Variants in RRN3 observed in about 807,000 individuals in gnomAD.
The protein encoded by RRN3 is RNA polymerase I transcription factor RRN3, also known as RNA polymerase I-specific transcription initiation factor RRN3.
RRN3 carries 38 observed loss-of-function variants against 82.3 expected under a neutral mutation model. That is an observed-to-expected ratio of 0.46 (90% CI 0.36 to 0.61). The LOEUF is 0.61. Among genes scored for constraint, RRN3 ranks in the 20% least tolerant of loss-of-function variants. The pLI is 0.00. For missense variants in RRN3, 726 were observed against 793.1 expected (o/e 0.92, Z 1.02); for synonymous variants, 284 against 284.3 (o/e 1.00, Z 0.01).
At chr16:15,091,955 G>C (rs1387902580) in intron 2 of RRN3, among the ~76,000 whole-genome samples, 4 of 152,270 alleles carry the variant, frequency 2.6e-5, no homozygotes, top group Non-Finnish European at 1.5e-5. Context: ...AAGGCGGGTG[G>C]ATCACAAGGT....
intron 7 of RRN3, chr16:15,083,845 C>G: frequency 2.8e-6 from 1 of 353,386 alleles, no homozygotes; most frequent in South Asian, 2.7e-5. Context: ...ACCTCCCAAA[C>G]AGCTGGGATT....
At chr16:15,086,570 C>G (rs2045924292) in intron 3 of RRN3, 116 bp from the exon 4 acceptor site, 1 of 1,472,238 alleles carries the variant, frequency 6.8e-7, no homozygotes, top group Non-Finnish European at 9.2e-7. Flanking sequence ...AGGTCACAAA[C>G]TTGGAAGGAA....
chr16:15,079,866 G>A (rs2045623598), intron 9 of RRN3, 132 bp downstream of exon 9: 1 of 1,051,276 alleles, frequency 9.5e-7, no homozygotes, highest in Non-Finnish European at 1.3e-6. Flanking sequence ...CAAAGTGCTG[G>A]GAATACAGGC....
chr16:15,082,680 G>T lies in RRN3; in HGVS notation c.666+833C>A, dbSNP rs532621722. Among the ~76,000 whole-genome samples, 17 of 141,318 alleles carry T rather than the reference G, an allele frequency of 1.2e-4. 1 individual carries two copies. The highest frequency in any genetic ancestry group is 7.6e-3 in the Middle Eastern group (2 of 264). 92.7% of individuals were successfully genotyped at this position (141,318 alleles called of 152,430 possible). A position where few individuals can be genotyped will look rare whatever the true frequency, so the allele number is the denominator to read the frequency against. On this transcript the variant is annotated intron_variant, in intron 8 of 17. Transcript: ENST00000198767. Reference sequence around the variant, plus strand: ...AGACGGAGACTGTCCCCCCACCCCTGAAAAAAAAAAAATCAATCTTGCATT... The same window carrying T: ...AGACGGAGACTGTCCCCCCACCCCTTAAAAAAAAAAAATCAATCTTGCATT...
At chr16:15,066,022 G>A (rs920428882) in intron 15 of RRN3, among the ~76,000 whole-genome samples, 1 of 152,206 alleles carries the variant, frequency 6.6e-6, no homozygotes, top group Non-Finnish European at 1.5e-5. Context: ...TGAGCAACTT[G>A]AAAAATTATC....
chr16:15,091,744 T>C (rs556129713), intron 2 of RRN3, among the ~76,000 whole-genome samples: 2 of 152,332 alleles, frequency 1.3e-5, no homozygotes, highest in African/African-American at 2.4e-5. Flanking sequence ...ATATTACATA[T>C]AAACATATGG....
intron 9 of RRN3, among the ~76,000 whole-genome samples, chr16:15,077,293 G>A (rs1249696691): frequency 2.0e-5 from 3 of 152,094 alleles, no homozygotes; most frequent in Non-Finnish European, 4.4e-5. Flanking sequence ...ATCTCATCTT[G>A]AATCGTACTC....
At chr16:15,083,040 T>A (rs1189075108) in intron 8 of RRN3, among the ~76,000 whole-genome samples, 1 of 152,176 alleles carries the variant, frequency 6.6e-6, no homozygotes, top group African/African-American at 2.4e-5. Context: ...AGCCGCTTTA[T>A]AAGAAAGGAA....
intron 3 of RRN3, among the ~76,000 whole-genome samples, 178 bp from the exon 4 acceptor site, chr16:15,086,632 T>C (rs2045925689): frequency 6.6e-6 from 1 of 152,226 alleles, no homozygotes; most frequent in African/African-American, 2.4e-5. Context: ...ATTACTTAAC[T>C]GTTTTAAGAA....
chr16:15,073,121 A>G (rs1262871028), intron 11 of RRN3, 41 bp from the exon 12 acceptor site: 5 of 1,596,490 alleles, frequency 3.1e-6, no homozygotes, highest in Non-Finnish European at 4.3e-6. Flanking sequence ...ATAAAGACAT[A>G]TTTTCAAGTT....
intron 6 of RRN3, among the ~76,000 whole-genome samples, chr16:15,085,030 T>C (rs533946938): frequency 6.6e-6 from 1 of 152,190 alleles, no homozygotes; most frequent in South Asian, 2.1e-4. Context: ...CACACCACTA[T>C]ACTCCAGCCT....
intron 16 of RRN3, among the ~76,000 whole-genome samples, 167 bp downstream of exon 16, chr16:15,065,052 G>C (rs534463758): frequency 1.3e-5 from 2 of 152,092 alleles, no homozygotes; most frequent in Non-Finnish European, 2.9e-5. Context: ...TGTAGTCCCA[G>C]CTACTCGGGA....
intron 6 of RRN3, 77 bp downstream of exon 6, chr16:15,085,562 C>T: frequency 6.4e-7 from 1 of 1,574,184 alleles, no homozygotes. Context: ...AAGTGATCCT[C>T]CCGTCTTGGC....
At chr16:15,066,059 A>T (rs986086684) in intron 15 of RRN3, among the ~76,000 whole-genome samples, 1 of 152,222 alleles carries the variant, frequency 6.6e-6, no homozygotes, top group Non-Finnish European at 1.5e-5. Flanking sequence ...CAAGATGAGG[A>T]CTCAGATCTC....
Position 15,094,248 on chromosome 16 carries a change from G to A in RRN3, c.-15C>T, listed in dbSNP as rs1376587265. ...GGTGCCGCCATTGGGCCGAACTAAC[G>A]CGACCGCTGCGCCTCAGGCCGGATG... On this transcript the variant is annotated 5_prime_UTR_variant, in exon 1 of 18. Transcript: ENST00000198767. The A allele has an allele frequency of 1.1e-5, 17 of 1,555,372 alleles. No individual in the cohort carries two copies. Among genetic ancestry groups the A allele is most frequent in the Admixed American group, 5.7e-5 (3 of 52,378 alleles).
chr16:15,082,668 C>A (rs2045755908), intron 8 of RRN3, among the ~76,000 whole-genome samples: 1 of 151,420 alleles, frequency 6.6e-6, no homozygotes, highest in Admixed American at 6.6e-5. Context: ...CGGAGACTGT[C>A]CCCCCACCCC....
chr16:15,060,082 C>T lies in RRN3; in HGVS notation c.*1662G>A. On this transcript the variant is annotated 3_prime_UTR_variant, in exon 18 of 18. Coordinates refer to ENST00000198767, the MANE Select transcript of RRN3 (RefSeq NM_018427.5). ...ATAAGAACGTAAGTTCCAGATTAAC[C>T]ATGTCATTGTTTCATTTTCACCATG... 1 of 310,124 alleles carries T rather than the reference C, an allele frequency of 3.2e-6. No homozygotes were observed. The highest frequency in any genetic ancestry group is 1.1e-4 in the East Asian group (1 of 9,112). The allele number at this position is 310,124 out of a possible 1,614,324, so 19.2% of individuals were successfully genotyped here.
In RRN3 at chr16:15,077,037, T is replaced by G. The variant is rs1262136301; in HGVS notation, c.766-387A>C. Among the ~76,000 whole-genome samples the G allele has an allele frequency of 4.7e-5, 7 of 149,764 alleles. No homozygotes were observed. The Admixed American group carries it at 4.8e-4, about 10-fold the overall frequency. On this transcript the variant is annotated intron_variant, in intron 9 of 17. Transcript: ENST00000198767. ...TCTTGTTGCCCAGGCTGGAATACAA[T>G]GGCAAGATCTCGGCTCACCGCAAAC...
At chr16:15,089,006 T>A (rs2046014727) in intron 3 of RRN3, among the ~76,000 whole-genome samples, 1 of 152,028 alleles carries the variant, frequency 6.6e-6, no homozygotes, top group Non-Finnish European at 1.5e-5. Context: ...AACAGACAGT[T>A]AAGAAACAAG....
Sources: allele counts gnomAD v4.1 joint callset (sites outside exome capture counted in the v4.1 genomes callset), GRCh38; gene constraint gnomAD v4.1.1; transcripts MANE v1.5; gene names NCBI Gene and HGNC (gene_info 2026-07-23, HGNC 2026-07-21).